The following INPP5A variants were observed in gnomAD, a reference collection of about 807,000 sequenced individuals.
INPP5A encodes 43 kDa inositol polyphosphate 5-phophatase.
INPP5A carries 14 observed loss-of-function variants against 65.2 expected under a neutral mutation model. That is an observed-to-expected ratio of 0.21 (90% CI 0.14 to 0.34). The LOEUF is 0.34. INPP5A is among the 10% of genes least tolerant of loss of function. INPP5A has a pLI of 1.00. For missense variants in INPP5A, 431 were observed against 545.6 expected (o/e 0.79, Z 2.09); for synonymous variants, 207 against 208.3 (o/e 0.99, Z 0.05).
At chr10:132,586,330 C>T (rs964784408) in intron 1 of INPP5A, among the ~76,000 whole-genome samples, 1 of 152,220 alleles carries the variant, frequency 6.6e-6, no homozygotes, top group Non-Finnish European at 1.5e-5. Context: ...ACTTGGCACA[C>T]GTTTGGTTTT....
intron 8 of INPP5A, among the ~76,000 whole-genome samples, chr10:132,720,408 G>A (rs1178438552): frequency 7.0e-5 from 10 of 143,150 alleles, no homozygotes; most frequent in Admixed American, 6.8e-4. Flanking sequence ...TGTCTTGCGG[G>A]TTCTGTGGTA....
At chr10:132,703,122 A>G (rs558153100) in intron 6 of INPP5A, among the ~76,000 whole-genome samples, 118 of 152,212 alleles carry the variant, frequency 7.8e-4, no homozygotes, top group African/African-American at 2.6e-3. Context: ...TCACAAGGCC[A>G]GCTTCCCCTG....
At position 132,659,864 on chromosome 10, in the gene INPP5A, G is replaced by A. The variant is rs111679347; in HGVS notation, c.306+9359G>A. ...AGCCAGATGCCCACAACAGGATCCA[G>A]TGCTGTCAGCTGGGCTCCAGAAACC... On this transcript the variant is annotated intron_variant, in intron 4 of 15. Transcript: ENST00000368594. This position sits in a 1 kb window ranked among gnomAD's most constrained non-coding sequence, Gnocchi z 5.5. Among the ~76,000 whole-genome samples the A allele has an allele frequency of 6.6e-6, 1 of 152,254 alleles. No individual in the cohort carries two copies. The highest frequency in any genetic ancestry group is 1.5e-5 in the Non-Finnish European group (1 of 68,044).
intron 8 of INPP5A, 31 bp from the exon 9 acceptor site, chr10:132,726,790 C>G (rs1845993176): frequency 6.5e-7 from 1 of 1,543,950 alleles, no homozygotes; most frequent in African/African-American, 1.4e-5. Flanking sequence ...GCTTCAGCGC[C>G]CTCGGTAACA....
rs994904826 is a variant in INPP5A at position 132,555,866 on chromosome 10, G to A, written c.75+17695G>A. On this transcript the variant is annotated intron_variant, in intron 1 of 15. Coordinates refer to ENST00000368594, the MANE Select transcript of INPP5A (RefSeq NM_005539.5). This position sits in a 1 kb window ranked among gnomAD's most constrained non-coding sequence, Gnocchi z 4.4. Reference sequence around the variant, plus strand: ...GGCAGCTGCTGCATTAGGAATCTGCGTCACAGATGAAAAACACGCGTTTCC... The same window carrying A: ...GGCAGCTGCTGCATTAGGAATCTGCATCACAGATGAAAAACACGCGTTTCC... 7.2e-5 allele frequency among the ~76,000 whole-genome samples: 11 copies of A among 152,168 alleles called. No homozygotes were observed. Among genetic ancestry groups the A allele is most frequent in the Non-Finnish European group, 7.3e-5 (5 of 68,032 alleles).
chr10:132,654,216 C>T (rs1000992864), intron 4 of INPP5A, among the ~76,000 whole-genome samples: 20 of 152,274 alleles, frequency 1.3e-4, no homozygotes, highest in African/African-American at 4.8e-4. Context: ...CCTCTGCTGC[C>T]GCCCTTCAGC....
chr10:132,765,585 G>C (rs1164192225), intron 11 of INPP5A, among the ~76,000 whole-genome samples, 188 bp from the exon 12 acceptor site: 1 of 152,220 alleles, frequency 6.6e-6, no homozygotes, highest in Non-Finnish European at 1.5e-5. Flanking sequence ...AGGTCCCACT[G>C]TCTGCAGCAG....
intron 4 of INPP5A, among the ~76,000 whole-genome samples, chr10:132,664,394 T>C (rs1424592788): frequency 6.6e-6 from 1 of 152,222 alleles, no homozygotes; most frequent in Non-Finnish European, 1.5e-5. Flanking sequence ...ATCCACAGAA[T>C]GAATGTGAGC....
chr10:132,732,338 CTG>C (rs1353926240), intron 9 of INPP5A, among the ~76,000 whole-genome samples: 4 of 152,230 alleles, frequency 2.6e-5, no homozygotes, highest in African/African-American at 9.7e-5. Flanking sequence ...CTCTTTAAGA[CTG>C]TGGATACATA....
chr10:132,750,302 A>G (rs1014499878), intron 11 of INPP5A, among the ~76,000 whole-genome samples: 2 of 152,340 alleles, frequency 1.3e-5, no homozygotes, highest in African/African-American at 4.8e-5. Context: ...ATGCGTGTGC[A>G]CATGTGCACG....
chr10:132,720,078 G>A (rs1208135443), intron 8 of INPP5A, among the ~76,000 whole-genome samples: 273 of 138,724 alleles, frequency 2.0e-3, no homozygotes, highest in African/African-American at 6.5e-3. Flanking sequence ...CTGTCTGGGC[G>A]CCTTAGACGG....
chr10:132,681,367 A>G (rs987409308), intron 4 of INPP5A, among the ~76,000 whole-genome samples: 2 of 152,180 alleles, frequency 1.3e-5, no homozygotes, highest in East Asian at 1.9e-4. Context: ...CTGGATCCAC[A>G]CTGCCTTTAT....
At chr10:132,657,263 C>T (rs1349674556) in intron 4 of INPP5A, among the ~76,000 whole-genome samples, 1 of 152,234 alleles carries the variant, frequency 6.6e-6, no homozygotes, top group African/African-American at 2.4e-5. Flanking sequence ...CACCCGCTAG[C>T]GCTGCCTTTG....
rs1847177413 is a variant in INPP5A, at chr10:132,782,249, G to GT, written c.*220_*221insT. 2.8e-6 allele frequency: 1 copy of GT among 353,820 alleles called. No individual in the cohort carries two copies. The highest frequency in any genetic ancestry group is 2.8e-5 in the African/African-American group (1 of 35,906). The allele number at this position is 353,820 out of a possible 1,614,324, so 21.9% of individuals were successfully genotyped here. ...CTATGTGACATTAAGTAGAAATATTGGTTTTTTTTTTTTTTTTTTAAATAA... is the reference window on the plus strand; with the variant it reads ...CTATGTGACATTAAGTAGAAATATTGTGTTTTTTTTTTTTTTTTTTAAATAA... On this transcript the variant is annotated 3_prime_UTR_variant, in exon 16 of 16. Coordinates refer to ENST00000368594, the MANE Select transcript of INPP5A (RefSeq NM_005539.5). The surrounding 1 kb of genome is among the most constrained non-coding windows in gnomAD (Gnocchi z 4.4).
chr10:132,733,588 A>C (rs1234911218), intron 9 of INPP5A, among the ~76,000 whole-genome samples: 1 of 152,226 alleles, frequency 6.6e-6, no homozygotes, highest in Non-Finnish European at 1.5e-5. Context: ...CATTTCGTAG[A>C]AATTTTGTGG....
intron 8 of INPP5A, 45 bp from the exon 9 acceptor site, chr10:132,726,776 G>A: frequency 7.0e-7 from 1 of 1,427,256 alleles, no homozygotes; most frequent in Non-Finnish European, 9.8e-7. Context: ...ATGAGGGCTG[G>A]CCGGCTTCAG....
At chr10:132,718,921 G>A (rs567282879) in intron 8 of INPP5A, among the ~76,000 whole-genome samples, 12 of 149,796 alleles carry the variant, frequency 8.0e-5, no homozygotes, top group African/African-American at 1.5e-4. Flanking sequence ...GCTGTCTTGC[G>A]GGTTCTGTGG....
chr10:132,592,082 A>G (rs2071626781), intron 1 of INPP5A, among the ~76,000 whole-genome samples: 1 of 152,250 alleles, frequency 6.6e-6, no homozygotes. Context: ...ATAAGGCTAG[A>G]GTATAGAACT....
intron 2 of INPP5A, among the ~76,000 whole-genome samples, chr10:132,645,414 G>A (rs72868916): frequency 0.028 from 4,195 of 152,324 alleles, 95 homozygotes; most frequent in Non-Finnish European, 0.047. Context: ...ACATGCTCCG[G>A]CACACGCGTG....
Sources: allele counts gnomAD v4.1 joint callset (sites outside exome capture counted in the v4.1 genomes callset), GRCh38; gene constraint gnomAD v4.1.1; non-coding constraint Gnocchi (gnomAD v3.1); transcripts MANE v1.5; gene names NCBI Gene and HGNC (gene_info 2026-07-23, HGNC 2026-07-21).